Variants in AKT2 observed in about 807,000 individuals in gnomAD.
AKT2 encodes the protein RAC-beta serine/threonine-protein kinase.
AKT2 carries 16 observed loss-of-function variants against 58.6 expected under a neutral mutation model. The ratio of observed to expected loss-of-function variants is 0.27; its 90% CI spans 0.18 to 0.41. The LOEUF is 0.41. Among genes scored for constraint, AKT2 ranks in the 10% least tolerant of loss-of-function variants. The pLI is 1.00. For missense variants in AKT2, 438 were observed against 661.0 expected, an observed-to-expected ratio of 0.66 and a Z score of 3.70; for synonymous variants, 253 against 254.0, an observed-to-expected ratio of 1.00 and a Z score of 0.04.
intron 4 of AKT2, among the ~76,000 whole-genome samples, chr19:40,245,754 C>G (rs895538444): frequency 2.6e-5 from 4 of 152,194 alleles, no homozygotes. Context: ...CATAACCCAT[C>G]TATGTCCACC....
chr19:40,281,757 G>A lies in AKT2; in HGVS notation c.-85+3424C>T, dbSNP rs138792525. Among the ~76,000 whole-genome samples, 156 of 152,368 alleles carry A rather than the reference G, an allele frequency of 1.0e-3. 3 individuals are homozygous for A. The East Asian group carries it at 0.028, about 27-fold the overall frequency. ...GGCAAAGGCCTTCAAAGTCCCGGCA[G>A]AAATACTAAGAATTACAATTGCTAA... is the stretch of plus-strand genomic sequence containing the variant. On this transcript the variant is annotated intron_variant, in intron 1 of 13. Coordinates refer to ENST00000392038, the MANE Select transcript of AKT2 (RefSeq NM_001626.6).
chr19:40,244,725 A>G (rs969494195), intron 4 of AKT2, among the ~76,000 whole-genome samples: 2 of 152,254 alleles, frequency 1.3e-5, no homozygotes, highest in African/African-American at 4.8e-5. Flanking sequence ...CAGGGAGTGC[A>G]GCCAGCCCTT....
chr19:40,242,290 G>T lies in AKT2; in HGVS notation c.442-221C>A. The T allele has an allele frequency of 1.2e-6, 1 of 856,930 alleles. No individual in the cohort carries two copies. The highest frequency in any genetic ancestry group is 2.6e-5 in the East Asian group (1 of 37,962). 53.1% of individuals were successfully genotyped at this position (856,930 alleles called of 1,614,324 possible). A position where few individuals can be genotyped will look rare whatever the true frequency, so the allele number is the denominator to read the frequency against. On this transcript the variant is annotated intron_variant, in intron 5 of 13. Transcript: ENST00000392038. The surrounding 1 kb of genome is among the most constrained non-coding windows in gnomAD (Gnocchi z 4.3). ...GGGAGGGCTGGGCTCTGACGTGGGG[G>T]TAGCCAGGTCTTCACCAACTCCCAG...
intron 1 of AKT2, among the ~76,000 whole-genome samples, chr19:40,284,246 A>G (rs1170184312): frequency 3.3e-5 from 5 of 152,066 alleles, no homozygotes; most frequent in African/African-American, 7.2e-5. Context: ...CTTCCTCCCA[A>G]GTTTTAACAA....
chr19:40,238,046 C>T lies in AKT2; in HGVS notation c.754G>A (p.Ala252Thr), dbSNP rs770151213. Reference sequence around the variant, plus strand: ...ACAATCTCTGCACCATAAAACCGGGCCCGCTCCTCTGTGAAGACACGCTCC... The same window carrying T: ...ACAATCTCTGCACCATAAAACCGGGTCCGCTCCTCTGTGAAGACACGCTCC... ...SRERVFTEERARFYGAEIVSA... is the reference protein window; with the variant it reads ...SRERVFTEERTRFYGAEIVSA... The change falls in exon 9 of 14, where the codon GCC becomes ACC. Residue 252 changes from alanine to threonine, a missense_variant. Transcript: ENST00000392038. The surrounding 1 kb of genome is among the most constrained non-coding windows in gnomAD (Gnocchi z 5.1). The T allele has an allele frequency of 6.2e-7, 1 of 1,609,028 alleles. No individual in the cohort carries two copies.
intron 4 of AKT2, 50 bp downstream of exon 4, chr19:40,255,108 C>T (rs780856624): frequency 1.4e-6 from 2 of 1,428,956 alleles, no homozygotes; most frequent in Non-Finnish European, 2.0e-6. Flanking sequence ...TTTCTCCTCA[C>T]ACCAGGCTTG....
chr19:40,255,572 C>T (rs1213112555), intron 3 of AKT2, among the ~76,000 whole-genome samples: 2 of 152,172 alleles, frequency 1.3e-5, no homozygotes, highest in African/African-American at 4.8e-5. Context: ...GGTTGGGGGG[C>T]TTCCCAGAGG....
In AKT2 at chr19:40,237,186, C is replaced by T. The variant is rs558870512; in HGVS notation, c.831+783G>A. The T allele has an allele frequency of 5.2e-5, 8 of 154,500 alleles. No homozygotes were observed. The highest frequency in any genetic ancestry group is 1.9e-4 in the African/African-American group (8 of 41,600). 9.6% of individuals were successfully genotyped at this position (154,500 alleles called of 1,614,324 possible). ...TGAGAACACTCCACAGTGGATCTGA[C>T]TGTTCCTCTCACAGTGGATACTTGG... On this transcript the variant is annotated intron_variant, in intron 9 of 13. Transcript: ENST00000392038. The surrounding 1 kb of genome is among the most constrained non-coding windows in gnomAD (Gnocchi z 4.5).
intron 1 of AKT2, 177 bp from the exon 2 acceptor site, chr19:40,265,528 A>T (rs1204867321): frequency 3.5e-6 from 3 of 851,462 alleles, no homozygotes; most frequent in Non-Finnish European, 5.2e-6. Flanking sequence ...GAGATGTGGC[A>T]ATGTCCCCAG....
At chr19:40,265,171 G>T in intron 2 of AKT2, 51 bp downstream of exon 2, 1 of 1,596,556 alleles carries the variant, frequency 6.3e-7, no homozygotes, top group Middle Eastern at 1.7e-4. Flanking sequence ...CAGCTTTCCA[G>T]GAGGAGCCAG....
chr19:40,274,650 G>GT, intron 1 of AKT2: 5 of 240,578 alleles, frequency 2.1e-5, no homozygotes, highest in South Asian at 1.1e-4. Context: ...CACTGAGGCA[G>GT]CGCAGTCTGA....
intron 3 of AKT2, among the ~76,000 whole-genome samples, chr19:40,256,638 A>T (rs919784064): frequency 4.6e-5 from 7 of 152,068 alleles, no homozygotes; most frequent in African/African-American, 1.4e-4. Flanking sequence ...CCAGTTGGGG[A>T]CTCCAAGGCC....
intron 6 of AKT2, 24 bp downstream of exon 6, chr19:40,241,914 G>C (rs375391920): frequency 1.2e-6 from 2 of 1,612,966 alleles, no homozygotes; most frequent in Non-Finnish European, 1.7e-6. Flanking sequence ...AGAGGCTCGC[G>C]AGCGCAATTC....
chr19:40,262,461 G>A (rs527657652), intron 2 of AKT2, among the ~76,000 whole-genome samples: 4 of 152,348 alleles, frequency 2.6e-5, no homozygotes, highest in Non-Finnish European at 4.4e-5. Context: ...AGCATGGGGC[G>A]TGGCAGAGGG....
At chr19:40,253,091 A>G (rs1169513143) in intron 4 of AKT2, among the ~76,000 whole-genome samples, 2 of 152,202 alleles carry the variant, frequency 1.3e-5, no homozygotes, top group Non-Finnish European at 2.9e-5. Context: ...GTGGCTCTTT[A>G]AATCAATTAA....
chr19:40,251,854 CTAAG>C (rs936554704), intron 4 of AKT2, among the ~76,000 whole-genome samples: 3 of 152,192 alleles, frequency 2.0e-5, no homozygotes, highest in Non-Finnish European at 4.4e-5. Flanking sequence ...AAGAATGTCA[CTAAG>C]TATGAACACA....
intron 1 of AKT2, among the ~76,000 whole-genome samples, chr19:40,278,365 G>C (rs560036786): frequency 6.6e-6 from 1 of 152,302 alleles, no homozygotes; most frequent in South Asian, 2.1e-4. Context: ...AGTGAGAGCA[G>C]ACACCTTAAG....
intron 1 of AKT2, among the ~76,000 whole-genome samples, chr19:40,267,463 C>T (rs1424580318): frequency 2.0e-5 from 3 of 152,162 alleles, no homozygotes; most frequent in East Asian, 1.9e-4. Context: ...TCCTTCTGGG[C>T]GTTCTTCTCT....
chr19:40,253,819 G>A (rs1008294087), intron 4 of AKT2, among the ~76,000 whole-genome samples: 5 of 151,790 alleles, frequency 3.3e-5, no homozygotes, highest in Non-Finnish European at 7.4e-5. Flanking sequence ...AATAAAGAAC[G>A]GCTAAATAAA....
Sources: allele counts gnomAD v4.1 joint callset (sites outside exome capture counted in the v4.1 genomes callset), GRCh38; gene constraint gnomAD v4.1.1; non-coding constraint Gnocchi (gnomAD v3.1); transcripts MANE v1.5; gene names NCBI Gene and HGNC (gene_info 2026-07-23, HGNC 2026-07-21).